PPP1R1C: variants seen among roughly 807,000 people sequenced by gnomAD.
The protein encoded by PPP1R1C is protein phosphatase 1 regulatory inhibitor subunit 1C.
In PPP1R1C, 15 loss-of-function variants were observed where a neutral mutation model predicts 17.4. The ratio of observed to expected loss-of-function variants is 0.86; its 90% CI spans 0.58 to 1.33. The LOEUF is 1.33. PPP1R1C is among the 40% of genes most tolerant of loss of function. The pLI is 0.00. For synonymous variants in PPP1R1C, 35 were observed against 43.1 expected, an observed-to-expected ratio of 0.81 and a Z score of 0.73; for missense variants, 143 against 130.0, an observed-to-expected ratio of 1.10 and a Z score of -0.48.
chr2:182,078,563 A>G (rs972302653), intron 4 of PPP1R1C, among the ~76,000 whole-genome samples: 1 of 152,196 alleles, frequency 6.6e-6, no homozygotes, highest in Non-Finnish European at 1.5e-5. Context: ...ACTAGTTAAA[A>G]TCCTATGTAT....
intron 1 of PPP1R1C, among the ~76,000 whole-genome samples, chr2:181,955,120 A>G (rs1430346247): frequency 1.3e-5 from 2 of 152,232 alleles, no homozygotes; most frequent in African/African-American, 4.8e-5. Context: ...ATATTCTAAG[A>G]TGGCCAGATG....
chr2:182,063,851 CT>C, intron 4 of PPP1R1C, 60 bp downstream of exon 4: 1 of 1,289,786 alleles, frequency 7.8e-7, no homozygotes, highest in African/African-American at 1.5e-5. Context: ...GGTCGGCCGT[CT>C]GTTCTCTAGG....
intron 2 of PPP1R1C, among the ~76,000 whole-genome samples, chr2:182,056,449 A>G (rs992638705): frequency 2.0e-5 from 3 of 152,198 alleles, no homozygotes; most frequent in Admixed American, 6.5e-5. Flanking sequence ...GCTTTTGAGC[A>G]GAAGAGTCTT....
At position 181,963,324 on chromosome 2, in the gene PPP1R1C, A is replaced by G. The variant is rs1425586278; in HGVS notation, n.111+8690A>G. Among the ~76,000 whole-genome samples the G allele has an allele frequency of 3.3e-5, 5 of 152,346 alleles. No homozygotes were observed. In the South Asian group the frequency reaches 6.2e-4, roughly 19 times the overall value. ...TTTAAACATACCCTAATATAATTTC[A>G]GAATACCAAGGATAAATATGAAATT... is the stretch of plus-strand genomic sequence containing the variant. On this transcript the variant is annotated intron_variant and non_coding_transcript_variant, in intron 1 of 5. Coordinates refer to the PPP1R1C transcript ENST00000464264.
intron 2 of PPP1R1C, among the ~76,000 whole-genome samples, chr2:182,034,768 A>G (rs746813337): frequency 6.6e-5 from 10 of 152,236 alleles, no homozygotes; most frequent in Non-Finnish European, 1.2e-4. Flanking sequence ...AAACTTATCC[A>G]AAGAGGAAAA....
chr2:182,037,186 G>C (rs571459227), intron 2 of PPP1R1C, among the ~76,000 whole-genome samples: 1 of 152,174 alleles, frequency 6.6e-6, no homozygotes, highest in Non-Finnish European at 1.5e-5. Flanking sequence ...AACAAAAAAG[G>C]CAGAGGTTGT....
chr2:182,067,495 AG>A lies in PPP1R1C; in HGVS notation c.241+3705del, dbSNP rs370413795. The stretch of plus-strand genomic sequence containing the variant: ...TAATGGCAAGAATAAGACGTACTTC[AG>A]ATCACCAAATGAAACATGATCTTCC... On this transcript the variant is annotated intron_variant, in intron 4 of 4. Coordinates refer to ENST00000682840, the MANE Select transcript of PPP1R1C (RefSeq NM_001080545.3). 1.5e-4 allele frequency among the ~76,000 whole-genome samples: 23 copies of A among 152,298 alleles called. No homozygotes were observed. In the East Asian group the frequency reaches 4.3e-3, roughly 28 times the overall value.
chr2:182,015,011 G>A (rs1442499993), intron 2 of PPP1R1C, among the ~76,000 whole-genome samples: 1 of 152,016 alleles, frequency 6.6e-6, no homozygotes, highest in Non-Finnish European at 1.5e-5. Context: ...TAGAATCAAG[G>A]ACCCTAGAAG....
At chr2:182,116,045 T>C (rs13028478) in intron 4 of PPP1R1C, among the ~76,000 whole-genome samples, 4 of 152,128 alleles carry the variant, frequency 2.6e-5, no homozygotes, top group African/African-American at 9.7e-5. Context: ...TCGAGGGAAA[T>C]GAAAGATAAT....
chr2:181,959,991 A>G lies in PPP1R1C; in HGVS notation n.111+5357A>G, dbSNP rs1366110265. On this transcript the variant is annotated intron_variant and non_coding_transcript_variant, in intron 1 of 5. Coordinates refer to the PPP1R1C transcript ENST00000464264. ...TTTTATTAGATGGCAAATTTGTTCAACCATGTGATTCTTGTGTTAATTTTT... is the reference window on the plus strand; with the variant it reads ...TTTTATTAGATGGCAAATTTGTTCAGCCATGTGATTCTTGTGTTAATTTTT... Among the ~76,000 whole-genome samples the G allele has an allele frequency of 4.6e-5, 7 of 152,210 alleles. No individual in the cohort carries two copies. The East Asian group carries it at 1.3e-3, about 29-fold the overall frequency.
chr2:182,011,782 G>A (rs1686093909), intron 2 of PPP1R1C, among the ~76,000 whole-genome samples: 1 of 151,892 alleles, frequency 6.6e-6, no homozygotes, highest in Non-Finnish European at 1.5e-5. Flanking sequence ...TACTGTTTTT[G>A]CTGTATCCCA....
intron 4 of PPP1R1C, among the ~76,000 whole-genome samples, chr2:182,067,877 G>A (rs1248306575): frequency 6.6e-6 from 1 of 152,076 alleles, no homozygotes; most frequent in African/African-American, 2.4e-5. Context: ...CTCAGAGCCA[G>A]ATTTGGCATC....
At chr2:182,036,003 A>T (rs1203080212) in intron 2 of PPP1R1C, among the ~76,000 whole-genome samples, 1 of 152,162 alleles carries the variant, frequency 6.6e-6, no homozygotes, top group Non-Finnish European at 1.5e-5. Context: ...ACACACACAC[A>T]CACACACATT....
intron 2 of PPP1R1C, among the ~76,000 whole-genome samples, chr2:182,001,917 C>T (rs1247817003): frequency 6.6e-6 from 1 of 152,088 alleles, no homozygotes; most frequent in Non-Finnish European, 1.5e-5. Context: ...TATTTTTACC[C>T]TACTGAATTA....
chr2:182,090,318 A>AGTGTGTGTGTGTGTGTGTGT (rs1559088788), intron 4 of PPP1R1C, among the ~76,000 whole-genome samples: 2 of 104,500 alleles, frequency 1.9e-5, no homozygotes, highest in African/African-American at 9.3e-5. Flanking sequence ...TGTGTGTGTC[A>AGTGTGTGTGTGTGTGTGTGT]GAGAGAGACA....
intron 2 of PPP1R1C, among the ~76,000 whole-genome samples, chr2:182,014,720 C>A (rs756541829): frequency 2.0e-5 from 3 of 151,942 alleles, no homozygotes; most frequent in Non-Finnish European, 4.4e-5. Flanking sequence ...CTACTTGGTG[C>A]TCCTTTCTAC....
chr2:181,959,071 A>T (rs141608024), intron 1 of PPP1R1C, among the ~76,000 whole-genome samples: 6 of 152,346 alleles, frequency 3.9e-5, no homozygotes, highest in Middle Eastern at 3.4e-3. Flanking sequence ...TCCCAAAGTG[A>T]TTATAGCATT....
At chr2:182,073,019 G>A (rs1471058898) in intron 4 of PPP1R1C, among the ~76,000 whole-genome samples, 1 of 152,192 alleles carries the variant, frequency 6.6e-6, no homozygotes, top group African/African-American at 2.4e-5. Context: ...TCCGGCCACA[G>A]CCTTCTTTTT....
Position 181,961,669 on chromosome 2 carries a change from C to T in PPP1R1C, n.111+7035C>T. On this transcript the variant is annotated intron_variant and non_coding_transcript_variant, in intron 1 of 5. Transcript: ENST00000464264. This position sits in a 1 kb window ranked among gnomAD's most constrained non-coding sequence, Gnocchi z 5.8. ...GGTGCTCTTCTCAATCTGCTGAGACCAGCACTTGTCCAGCTCCTCTCAGTT... is the reference window on the plus strand; with the variant it reads ...GGTGCTCTTCTCAATCTGCTGAGACTAGCACTTGTCCAGCTCCTCTCAGTT... 1.3e-6 allele frequency: 1 copy of T among 758,956 alleles called. No individual in the cohort carries two copies. Among genetic ancestry groups the T allele is most frequent in the Non-Finnish European group, 2.4e-6 (1 of 420,528 alleles). 47.0% of individuals were successfully genotyped at this position (758,956 alleles called of 1,614,324 possible).
Sources: gnomAD v4.1 joint callset for allele counts (sites outside exome capture counted in the v4.1 genomes callset) on GRCh38, gnomAD v4.1.1 for gene constraint, Gnocchi (gnomAD v3.1) non-coding constraint, MANE v1.5 for transcripts, NCBI Gene and HGNC (gene_info 2026-07-23, HGNC 2026-07-21) for gene names.